Variants in CALCRL observed in about 807,000 individuals in gnomAD.
CALCRL encodes calcitonin gene-related peptide type 1 receptor.
Under a neutral mutation model 60.4 loss-of-function variants are expected in CALCRL, and 27 were observed. That is an observed-to-expected ratio of 0.45 (90% confidence interval 0.33 to 0.62). CALCRL has a LOEUF of 0.62. Ranked by LOEUF, CALCRL falls within the 20% of genes least tolerant of loss-of-function variation. CALCRL has a pLI of 0.03. For missense variants in CALCRL, 424 were observed against 540.7 expected (o/e 0.78, Z 2.14); for synonymous variants, 190 against 182.6 (o/e 1.04, Z -0.33).
intron 12 of CALCRL, among the ~76,000 whole-genome samples, chr2:187,355,980 A>G (rs372344198): frequency 8.5e-5 from 13 of 152,132 alleles, no homozygotes; most frequent in East Asian, 5.8e-4. Flanking sequence ...ACTACAAACC[A>G]CTGCTCAAGG....
At chr2:187,396,576 A>T (rs1160435197) in intron 1 of CALCRL, among the ~76,000 whole-genome samples, 2 of 151,982 alleles carry the variant, frequency 1.3e-5, no homozygotes, top group East Asian at 1.9e-4. Context: ...TTAAAAAATG[A>T]TTCAACAATG....
chr2:187,408,749 T>C (rs905950102), intron 1 of CALCRL, among the ~76,000 whole-genome samples: 6 of 152,106 alleles, frequency 3.9e-5, no homozygotes, highest in Non-Finnish European at 7.4e-5. Context: ...ATAAATTAAG[T>C]AATTTAATAA....
intron 1 of CALCRL, chr2:187,428,966 A>G (rs572438923): frequency 3.3e-4 from 50 of 151,766 alleles, no homozygotes; most frequent in African/African-American, 1.1e-3. Flanking sequence ...ATATATTTTT[A>G]GTTTATATAA....
At chr2:187,350,677 ATTAC>A (rs1243360613) in intron 14 of CALCRL, among the ~76,000 whole-genome samples, 2 of 151,706 alleles carry the variant, frequency 1.3e-5, no homozygotes, top group African/African-American at 4.8e-5. Flanking sequence ...AAGTAAAAAT[ATTAC>A]TTAAGCAAGC....
In CALCRL at chr2:187,352,979, A is replaced by G. The variant is rs368175712; in HGVS notation, c.910-647T>C. ...GACTTCCTGTTAATTACTGTCTGCA[A>G]TGACATAATATTCACTATTTTTGTG... On this transcript the variant is annotated intron_variant, in intron 12 of 14. Coordinates refer to ENST00000392370, the MANE Select transcript of CALCRL (RefSeq NM_005795.6). Among the ~76,000 whole-genome samples the G allele has an allele frequency of 2.9e-4, 44 of 152,018 alleles. No homozygotes were observed. In the East Asian group the frequency reaches 7.0e-3, roughly 24 times the overall value.
At chr2:187,406,151 C>A (rs529049178) in intron 1 of CALCRL, among the ~76,000 whole-genome samples, 1 of 150,386 alleles carries the variant, frequency 6.6e-6, no homozygotes, top group East Asian at 2.0e-4. Flanking sequence ...AACCACCATT[C>A]CCAACCAACA....
In CALCRL at chr2:187,346,285, C is replaced by T. The variant is rs1357474266; in HGVS notation, c.1285G>A (p.Gly429Ser). The change falls in exon 15 of 15, where the codon GGT becomes AGT. Residue 429 changes from glycine to serine, a missense_variant. Around this residue, in one of 7 missense-constraint regions of CALCRL, gnomAD observed 222 missense variants for 265.6 expected, o/e 0.84. Coordinates refer to ENST00000392370, the MANE Select transcript of CALCRL (RefSeq NM_005795.6). The stretch of plus-strand genomic sequence containing the variant: ...GGACAGTCATGACTATAACCTGGAC[C>T]ATCACTGATTGTTGACACTGTGTAA... The part of the protein sequence containing the change: ...ASYTVSTISD[G>S]PGYSHDCPSE... 1.2e-6 allele frequency: 2 copies of T among 1,612,290 alleles called. No individual in the cohort carries two copies. Among genetic ancestry groups the T allele is most frequent in the Admixed American group, 1.7e-5 (1 of 59,764 alleles).
rs369171869 is a variant in CALCRL at position 187,380,478 on chromosome 2, C to T, written c.397G>A (p.Glu133Lys). ...GAATTATGACATACCTTCACTTTCTCGTGGGTGTTAACATTACACTGGGTA... is the reference window on the plus strand; with the variant it reads ...GAATTATGACATACCTTCACTTTCTTGTGGGTGTTAACATTACACTGGGTA... ...NYTQCNVNTH[E>K]KVKTALNLFY... is the part of the protein sequence containing the mutation. Residue 133 changes from glutamate to lysine, a missense_variant, in exon 7 of 15, where the codon GAG becomes AAG. By Grantham distance (56) the Glu-to-Lys change is moderately conservative (BLOSUM62 1). Around this residue, in one of 7 missense-constraint regions of CALCRL, gnomAD observed 43 missense variants for 46.6 expected, o/e 0.92. Coordinates refer to ENST00000392370, the MANE Select transcript of CALCRL (RefSeq NM_005795.6). 8.7e-5 allele frequency: 139 copies of T among 1,590,432 alleles called. No individual in the cohort carries two copies. Among genetic ancestry groups the T allele is most frequent in the Non-Finnish European group, 1.0e-4 (121 of 1,159,276 alleles).
In CALCRL at chr2:187,345,817, T is replaced by A. The variant is rs1686247147; in HGVS notation, c.*367A>T. On this transcript the variant is annotated 3_prime_UTR_variant, in exon 15 of 15. Transcript: ENST00000392370. The stretch of plus-strand genomic sequence containing the variant: ...AATAAGGGTAGAATCATGCCCAACA[T>A]GTATGTTTAGTTTTACAGCCATTTG... 5.9e-6 allele frequency: 1 copy of A among 168,072 alleles called. No homozygotes were observed. Among genetic ancestry groups the A allele is most frequent in the Non-Finnish European group, 1.3e-5 (1 of 78,720 alleles). The allele number at this position is 168,072 out of a possible 1,614,324, so 10.4% of individuals were successfully genotyped here. A position where few individuals can be genotyped will look rare whatever the true frequency, so the allele number is the denominator to read the frequency against.
intron 1 of CALCRL, among the ~76,000 whole-genome samples, chr2:187,444,827 G>GA (rs981689877): frequency 1.6e-4 from 24 of 151,326 alleles, no homozygotes; most frequent in Middle Eastern, 3.4e-3. Flanking sequence ...TTCAAATAAG[G>GA]AAAAATGCAG....
In CALCRL at chr2:187,363,624, T is replaced by C. The variant is rs539583912; in HGVS notation, c.501-122A>G. ...CCACTTTTGAAACAATTATTTTTTC[T>C]CCCTAAGATCCACTCATTACAAAAA... On this transcript the variant is annotated intron_variant, in intron 8 of 14. Transcript: ENST00000392370. 1.7e-5 allele frequency: 17 copies of C among 1,019,060 alleles called. No homozygotes were observed. The Admixed American group carries it at 4.6e-4, about 28-fold the overall frequency. 63.1% of individuals were successfully genotyped at this position (1,019,060 alleles called of 1,614,324 possible).
At chr2:187,418,630 G>T (rs1689724419) in intron 1 of CALCRL, among the ~76,000 whole-genome samples, 1 of 152,048 alleles carries the variant, frequency 6.6e-6, no homozygotes, top group Non-Finnish European at 1.5e-5. Context: ...GCTCATAGTA[G>T]ACATTGGAAG....
intron 1 of CALCRL, among the ~76,000 whole-genome samples, chr2:187,420,026 G>T (rs933395011): frequency 2.0e-5 from 3 of 151,928 alleles, no homozygotes; most frequent in African/African-American, 7.3e-5. Context: ...TTGTCACATT[G>T]AACTACAAAT....
intron 14 of CALCRL, 85 bp from the exon 15 acceptor site, chr2:187,346,484 G>C: frequency 1.1e-6 from 1 of 881,950 alleles, no homozygotes; most frequent in Non-Finnish European, 1.7e-6. Context: ...AATTAAATAG[G>C]TCTTGGAGAA....
At chr2:187,384,958 T>C (rs1242502211) in intron 4 of CALCRL, among the ~76,000 whole-genome samples, 2 of 152,208 alleles carry the variant, frequency 1.3e-5, no homozygotes, top group African/African-American at 4.8e-5. Context: ...GTTTTTGTCT[T>C]ATTTGCCTAC....
intron 12 of CALCRL, among the ~76,000 whole-genome samples, chr2:187,358,125 A>G (rs1176239933): frequency 6.6e-6 from 1 of 152,104 alleles, no homozygotes; most frequent in Admixed American, 6.6e-5. Flanking sequence ...CCACGGCAGA[A>G]GGATCACTGC....
intron 1 of CALCRL, among the ~76,000 whole-genome samples, chr2:187,431,643 A>T (rs1289476409): frequency 2.0e-5 from 3 of 152,064 alleles, no homozygotes; most frequent in Non-Finnish European, 1.5e-5. Context: ...GGAGGCAGAT[A>T]GTGCCTGTTC....
At chr2:187,447,241 T>C (rs1691230910) in intron 1 of CALCRL, among the ~76,000 whole-genome samples, 1 of 151,064 alleles carries the variant, frequency 6.6e-6, no homozygotes, top group East Asian at 2.0e-4. Context: ...CACGTTTCTT[T>C]ATCCACAGAT....
chr2:187,362,233 G>A (rs1687085616), intron 9 of CALCRL, among the ~76,000 whole-genome samples: 1 of 151,934 alleles, frequency 6.6e-6, no homozygotes, highest in African/African-American at 2.4e-5. Flanking sequence ...ACAAATATGA[G>A]ATTTAGAATC....
Sources: allele counts gnomAD v4.1 joint callset (sites outside exome capture counted in the v4.1 genomes callset), GRCh38; gene constraint gnomAD v4.1.1; regional missense constraint gnomAD v4.1.1; transcripts MANE v1.5; gene names NCBI Gene and HGNC (gene_info 2026-07-23, HGNC 2026-07-21).